SLC16A5: variants seen among roughly 807,000 people sequenced by gnomAD.
SLC16A5 encodes the protein monocarboxylate transporter 6.
Under a neutral mutation model 33.2 loss-of-function variants are expected in SLC16A5, and 29 were observed. The observed-to-expected ratio is 0.87, with a 90% CI of 0.65 to 1.19. The LOEUF (loss-of-function observed/expected upper bound fraction) is 1.19. SLC16A5 is among the 50% of genes most tolerant of loss of function. The pLI is 0.00. For missense variants in SLC16A5, 606 were observed against 678.2 expected (o/e 0.89, Z 1.18); for synonymous variants, 248 against 284.1 (o/e 0.87, Z 1.28).
At chr17:75,104,547 G>A (rs1241887746) in intron 6 of SLC16A5, 1 of 852,660 alleles carries the variant, frequency 1.2e-6, no homozygotes, top group East Asian at 9.4e-5. Context: ...TGCCCCCCAA[G>A]TTCAAGCGAT....
Position 75,100,065 on chromosome 17 carries a change from C to A in SLC16A5, c.402C>A (p.Val134=). The A allele has an allele frequency of 1.2e-6, 2 of 1,613,546 alleles. No individual in the cohort carries two copies. Among genetic ancestry groups the A allele is most frequent in the Non-Finnish European group, 1.7e-6 (2 of 1,180,006 alleles). Reference sequence around the variant, plus strand: ...TCACGGTGCTGGGCTTCTACTTTGTCCGCCGGCGGGTGCTGGCCAACGCGC... The same window carrying A: ...TCACGGTGCTGGGCTTCTACTTTGTACGCCGGCGGGTGCTGGCCAACGCGC... The part of the protein sequence containing the change: ...SSITVLGFYF[V]RRRVLANALA... Residue 134 remains valine (V), a synonymous_variant, in exon 5 of 7, where the codon GTC becomes GTA. Transcript: ENST00000329783.
chr17:75,096,416 G>A (rs1338693073), intron 3 of SLC16A5, among the ~76,000 whole-genome samples: 8 of 151,078 alleles, frequency 5.3e-5, no homozygotes, highest in Non-Finnish European at 1.0e-4. Flanking sequence ...AAGCTCTGTG[G>A]GTCAGTCCTC....
At chr17:75,102,059 CCTG>C (rs1181102676) in intron 5 of SLC16A5, among the ~76,000 whole-genome samples, 1 of 152,170 alleles carries the variant, frequency 6.6e-6, no homozygotes, top group African/African-American at 2.4e-5. Context: ...TCCCAGTTCT[CCTG>C]CTTCCTGCCT....
chr17:75,090,683 A>G (rs2073626543), intron 2 of SLC16A5, among the ~76,000 whole-genome samples: 2 of 150,910 alleles, frequency 1.3e-5, no homozygotes, highest in Admixed American at 6.6e-5. Context: ...CTGGTCTCGA[A>G]CTCCTGACCT....
At position 75,103,956 on chromosome 17, in the gene SLC16A5, T is replaced by C; in HGVS notation, c.1154-14T>C. On this transcript the variant is annotated splice_polypyrimidine_tract_variant and intron_variant, in intron 5 of 6. Coordinates refer to ENST00000329783, the MANE Select transcript of SLC16A5 (RefSeq NM_004695.4). ...GCCTGGTAGCACTGGCCTAACTTGA[T>C]CTCTGTTCCCCAGGGTTGCTCCTGG... 1 of 1,612,558 alleles carries C rather than the reference T, an allele frequency of 6.2e-7. No homozygotes were observed. The highest frequency in any genetic ancestry group is 8.5e-7 in the Non-Finnish European group (1 of 1,178,724).
downstream of SLC16A5, among the ~76,000 whole-genome samples, chr17:75,106,414 T>G (rs2073863347): frequency 6.6e-6 from 1 of 152,048 alleles, no homozygotes. Flanking sequence ...CCACCAGGTT[T>G]TGTGTGCATC....
At chr17:75,104,415 C>A (rs935658689) in intron 6 of SLC16A5, 31 of 1,004,428 alleles carry the variant, frequency 3.1e-5, no homozygotes, top group East Asian at 8.2e-5. Flanking sequence ...CTGAGAAACT[C>A]TTTTTTTTTT....
downstream of SLC16A5, among the ~76,000 whole-genome samples, chr17:75,107,935 T>C (rs1374994339): frequency 1.3e-5 from 2 of 150,112 alleles, no homozygotes; most frequent in African/African-American, 4.9e-5. Flanking sequence ...AGACACTGTC[T>C]CAGAAAAAAA....
chr17:75,100,626 G>T lies in SLC16A5; in HGVS notation c.963G>T (p.Val321=). ...TGCTCAATGGGCTCACTAACCTGGT[G>T]TGTGCGGCATCAGGTGACTTCTGGG... ...ALLLNGLTNL[V]CAASGDFWVL... is the part of the protein sequence containing the mutation. Residue 321 remains valine, a synonymous_variant, in exon 5 of 7, where the codon GTG becomes GTT. Coordinates refer to ENST00000329783, the MANE Select transcript of SLC16A5 (RefSeq NM_004695.4). The T allele has an allele frequency of 1.2e-6, 2 of 1,614,250 alleles. No individual in the cohort carries two copies. Among genetic ancestry groups the T allele is most frequent in the Non-Finnish European group, 1.7e-6 (2 of 1,180,046 alleles).
chr17:75,093,577 T>A lies in SLC16A5; in HGVS notation c.-48-12T>A. The A allele has an allele frequency of 6.4e-7, 1 of 1,565,056 alleles. No individual in the cohort carries two copies. Among genetic ancestry groups the A allele is most frequent in the Non-Finnish European group, 8.6e-7 (1 of 1,160,922 alleles). ...CTGCTGACCACCAGGCTCCATTCTGTCCCCTCCCCAGGCAGCAGCCACATT... is the reference window on the plus strand; with the variant it reads ...CTGCTGACCACCAGGCTCCATTCTGACCCCTCCCCAGGCAGCAGCCACATT... On this transcript the variant is annotated splice_polypyrimidine_tract_variant and intron_variant, in intron 2 of 6. Coordinates refer to ENST00000329783, the MANE Select transcript of SLC16A5 (RefSeq NM_004695.4).
Position 75,098,049 on chromosome 17 carries a change from A to G in SLC16A5, c.211A>G (p.Ser71Gly). The G allele has an allele frequency of 6.3e-7, 1 of 1,596,628 alleles. No individual in the cohort carries two copies. Among genetic ancestry groups the G allele is most frequent in the Non-Finnish European group, 8.5e-7 (1 of 1,174,124 alleles). The stretch of plus-strand genomic sequence containing the variant: ...GTCTTCTCCCACAGGGCCCCTGTGC[A>G]GCATCCTGGTGGGACGCTTCGGCTG... The part of the protein sequence containing the change: ...AVLHMAGPLC[S>G]ILVGRFGCRV... The change falls in exon 4 of 7, where the codon AGC becomes GGC. Residue 71 changes from serine to glycine, a missense_variant. Transcript: ENST00000329783.
At chr17:75,099,911 G>C in intron 4 of SLC16A5, 96 bp from the exon 5 acceptor site, 1 of 1,140,802 alleles carries the variant, frequency 8.8e-7, no homozygotes, top group Non-Finnish European at 1.2e-6. Context: ...AGAACCAGAG[G>C]AGGGCAGGTG....
Position 75,105,936 on chromosome 17 carries a change from G to A in SLC16A5, c.1421G>A (p.Cys474Tyr), listed in dbSNP as rs776194018. The change falls in exon 7 of 7, where the codon TGT (cysteine) becomes TAT (tyrosine). Residue 474 changes from cysteine (C) to tyrosine (Y), a missense_variant. Cys to Tyr is a radical substitution (Grantham distance 194). Coordinates refer to ENST00000329783, the MANE Select transcript of SLC16A5 (RefSeq NM_004695.4). ...GGCGTCAATAAGCATCTTTGGGGAT[G>A]TCCTGCCTCCTCCAGGACCAGCCAT... Reference protein sequence around the residue: ...PAGVNKHLWGCPASSRTSHEW... With the variant: ...PAGVNKHLWGYPASSRTSHEW... 8 of 1,612,320 alleles carry A rather than the reference G, an allele frequency of 5.0e-6. No homozygotes were observed. The highest frequency in any genetic ancestry group is 4.4e-5 in the South Asian group (4 of 90,846).
chr17:75,106,239 T>C (rs1489926398), downstream of SLC16A5: 3 of 391,090 alleles, frequency 7.7e-6, no homozygotes, highest in African/African-American at 6.1e-5. Flanking sequence ...ACGACTCCAT[T>C]TCCTTCTGGC....
At chr17:75,095,003 G>A (rs1039606101) in intron 3 of SLC16A5, among the ~76,000 whole-genome samples, 71 of 152,334 alleles carry the variant, frequency 4.7e-4, no homozygotes, top group Admixed American at 3.9e-3. Flanking sequence ...CCCCGGCCTC[G>A]GAGGGGCCCG....
chr17:75,094,515 T>C (rs1381175888), intron 3 of SLC16A5, among the ~76,000 whole-genome samples: 5 of 152,064 alleles, frequency 3.3e-5, no homozygotes, highest in Non-Finnish European at 5.9e-5. Flanking sequence ...GGAGAAACCC[T>C]GTCTCTACTG....
rs141409919 is a variant in SLC16A5, at chr17:75,098,182, G to A, written c.343+1G>A. On this transcript the variant is annotated splice_donor_variant, in intron 4 of 6. Coordinates refer to ENST00000329783, the MANE Select transcript of SLC16A5 (RefSeq NM_004695.4). LOFTEE classifies it high-confidence loss of function. ...TACTTCACAGCAGGATTCATCACAG[G>A]TGACTATCACTTCATCTCCAGAATT... is the stretch of plus-strand genomic sequence containing the variant. 6.2e-7 allele frequency: 1 copy of A among 1,612,930 alleles called. No homozygotes were observed. Among genetic ancestry groups the A allele is most frequent in the Non-Finnish European group, 8.5e-7 (1 of 1,179,544 alleles).
intron 3 of SLC16A5, among the ~76,000 whole-genome samples, chr17:75,096,793 A>G (rs1427534613): frequency 6.7e-6 from 1 of 149,316 alleles, no homozygotes; most frequent in Non-Finnish European, 1.5e-5. Flanking sequence ...CGGCCTCCCA[A>G]AGTGCTGGGA....
chr17:75,100,892 A>G, intron 5 of SLC16A5, 76 bp downstream of exon 5: 4 of 1,340,720 alleles, frequency 3.0e-6, no homozygotes, highest in East Asian at 2.5e-5. Context: ...GGCCCAGTCC[A>G]GCATCTCCAG....
Sources: gnomAD v4.1 joint callset for allele counts (sites outside exome capture counted in the v4.1 genomes callset) on GRCh38, gnomAD v4.1.1 for gene constraint, MANE v1.5 for transcripts, NCBI Gene and HGNC (gene_info 2026-07-23, HGNC 2026-07-21) for gene names.